KCTD8: variants seen among roughly 807,000 people sequenced by gnomAD.
KCTD8 encodes the protein BTB/POZ domain-containing protein KCTD8.
KCTD8 carries 27 observed loss-of-function variants against 31.5 expected under a neutral mutation model. That is an observed-to-expected ratio of 0.86 (90% CI 0.63 to 1.18). The LOEUF (loss-of-function observed/expected upper bound fraction) is 1.18. Ranked by LOEUF, KCTD8 falls within the 50% of genes most tolerant of loss-of-function variation. The pLI, the probability that KCTD8 is intolerant of heterozygous loss-of-function variation, is 0.00. For synonymous variants in KCTD8, 290 were observed against 280.0 expected (o/e 1.04, Z -0.36); for missense variants, 658 against 647.7 (o/e 1.02, Z -0.17).
chr4:44,185,977 T>C lies in KCTD8; in HGVS notation c.962-10727A>G, dbSNP rs554614615. Among the ~76,000 whole-genome samples, 11 of 151,920 alleles carry C rather than the reference T, an allele frequency of 7.2e-5. No homozygotes were observed. In the South Asian group the frequency reaches 2.3e-3, roughly 32 times the overall value. Reference sequence around the variant, plus strand: ...GAAAAGGGCGGGGTCCCTGGCGAGGTCTCCACCTTCGGGCCTGTGCCCACA... The same window carrying C: ...GAAAAGGGCGGGGTCCCTGGCGAGGCCTCCACCTTCGGGCCTGTGCCCACA... On this transcript the variant is annotated intron_variant, in intron 1 of 1. Coordinates refer to ENST00000360029, the MANE Select transcript of KCTD8 (RefSeq NM_198353.3).
intron 1 of KCTD8, among the ~76,000 whole-genome samples, chr4:44,183,509 C>T (rs1353395125): frequency 6.6e-6 from 1 of 151,974 alleles, no homozygotes; most frequent in East Asian, 1.9e-4. Flanking sequence ...CAAAACAGGG[C>T]TTTTGATCAA....
At chr4:44,413,732 C>T (rs1040239499) in intron 1 of KCTD8, among the ~76,000 whole-genome samples, 1 of 151,780 alleles carries the variant, frequency 6.6e-6, no homozygotes, top group African/African-American at 2.4e-5. Flanking sequence ...AAGATGTTCA[C>T]CCCCAATTCC....
At chr4:44,208,639 T>G (rs1714388833) in intron 1 of KCTD8, among the ~76,000 whole-genome samples, 1 of 152,296 alleles carries the variant, frequency 6.6e-6, no homozygotes. Context: ...GGAGTTGGAA[T>G]AATTGGGCTA....
intron 1 of KCTD8, among the ~76,000 whole-genome samples, chr4:44,356,431 A>T (rs946696800): frequency 2.0e-5 from 3 of 152,178 alleles, no homozygotes; most frequent in Non-Finnish European, 4.4e-5. Flanking sequence ...CTGTTAGGTT[A>T]TTCTTAGATC....
intron 1 of KCTD8, among the ~76,000 whole-genome samples, chr4:44,189,313 A>G (rs1713689014): frequency 6.6e-6 from 1 of 152,210 alleles, no homozygotes; most frequent in South Asian, 2.1e-4. Flanking sequence ...CTTCTGGAGC[A>G]ACATAGAATG....
chr4:44,208,215 T>A (rs1714374623), intron 1 of KCTD8, among the ~76,000 whole-genome samples: 1 of 152,216 alleles, frequency 6.6e-6, no homozygotes, highest in African/African-American at 2.4e-5. Flanking sequence ...TGTAATACAG[T>A]AATTGCAATG....
At chr4:44,430,181 T>C (rs963355250) in intron 1 of KCTD8, among the ~76,000 whole-genome samples, 2 of 151,734 alleles carry the variant, frequency 1.3e-5, no homozygotes, top group Non-Finnish European at 3.0e-5. Flanking sequence ...AACTGCTCTC[T>C]TGGGTGACTT....
intron 1 of KCTD8, among the ~76,000 whole-genome samples, chr4:44,210,807 T>C (rs1292800473): frequency 1.3e-5 from 2 of 152,192 alleles, no homozygotes; most frequent in African/African-American, 4.8e-5. Flanking sequence ...GCAGTTCTAT[T>C]ACTGGGAGAG....
Position 44,448,673 on chromosome 4 carries a change from G to A in KCTD8, c.-150C>T. 1 of 836,650 alleles carries A rather than the reference G, an allele frequency of 1.2e-6. No individual in the cohort carries two copies. Among genetic ancestry groups the A allele is most frequent in the Non-Finnish European group, 1.6e-6 (1 of 626,086 alleles). 51.8% of individuals were successfully genotyped at this position (836,650 alleles called of 1,614,324 possible). On this transcript the variant is annotated 5_prime_UTR_variant, in exon 1 of 2. Coordinates refer to ENST00000360029, the MANE Select transcript of KCTD8 (RefSeq NM_198353.3). This position sits in a 1 kb window ranked among gnomAD's most constrained non-coding sequence, Gnocchi z 4.1. Reference sequence around the variant, plus strand: ...ACCGGGGCGGCCCCGCTCAGGGTTCGGGGCAGCGGCGGCGTCGGCGGCGCC... The same window carrying A: ...ACCGGGGCGGCCCCGCTCAGGGTTCAGGGCAGCGGCGGCGTCGGCGGCGCC...
chr4:44,345,770 TC>T (rs1661150911), intron 1 of KCTD8, among the ~76,000 whole-genome samples: 1 of 152,138 alleles, frequency 6.6e-6, no homozygotes, highest in South Asian at 2.1e-4. Context: ...TCTTATCCTC[TC>T]AACTAGACTC....
intron 1 of KCTD8, among the ~76,000 whole-genome samples, chr4:44,208,113 G>C (rs1356223921): frequency 3.9e-5 from 6 of 152,150 alleles, no homozygotes; most frequent in African/African-American, 1.4e-4. Context: ...GGGTACAAAA[G>C]GTGACCACAG....
intron 1 of KCTD8, among the ~76,000 whole-genome samples, chr4:44,377,180 A>G (rs1719936759): frequency 6.6e-6 from 1 of 152,200 alleles, no homozygotes; most frequent in Non-Finnish European, 1.5e-5. Flanking sequence ...TTGAGGCTTC[A>G]TGGCAGTGCT....
chr4:44,372,314 G>A (rs1719808418), intron 1 of KCTD8, among the ~76,000 whole-genome samples: 1 of 152,170 alleles, frequency 6.6e-6, no homozygotes, highest in Admixed American at 6.5e-5. Context: ...TTACACTCGA[G>A]GGGCTTACAT....
chr4:44,283,424 T>C (rs878859703), intron 1 of KCTD8, among the ~76,000 whole-genome samples: 1 of 152,080 alleles, frequency 6.6e-6, no homozygotes, highest in Admixed American at 6.6e-5. Flanking sequence ...GTGAAGTCAA[T>C]GACTGGCTTC....
In KCTD8 at chr4:44,448,726, A is replaced by C. The variant is rs1009827376; in HGVS notation, c.-203T>G. Reference sequence around the variant, plus strand: ...AGCTCCATCGGAGGAGAGACGCGCGAGAGAGGAGCTCCGCCGGTGCGGCGG... The same window carrying C: ...AGCTCCATCGGAGGAGAGACGCGCGCGAGAGGAGCTCCGCCGGTGCGGCGG... On this transcript the variant is annotated 5_prime_UTR_variant, in exon 1 of 2. Transcript: ENST00000360029. The surrounding 1 kb of genome is among the most constrained non-coding windows in gnomAD (Gnocchi z 4.1). 2 of 409,742 alleles carry C rather than the reference A, an allele frequency of 4.9e-6. No homozygotes were observed. The allele number at this position is 409,742 out of a possible 1,614,324, so 25.4% of individuals were successfully genotyped here.
chr4:44,435,368 T>C (rs1202087042), intron 1 of KCTD8, among the ~76,000 whole-genome samples: 2 of 152,092 alleles, frequency 1.3e-5, no homozygotes, highest in Non-Finnish European at 2.9e-5. Flanking sequence ...AGAATCCTCA[T>C]GCTCTTTATC....
intron 1 of KCTD8, among the ~76,000 whole-genome samples, chr4:44,362,873 A>C (rs1341062368): frequency 6.6e-6 from 1 of 152,008 alleles, no homozygotes; most frequent in Non-Finnish European, 1.5e-5. Context: ...CTCAGTGATT[A>C]GAAATATAAT....
chr4:44,219,076 C>T (rs1484298342), intron 1 of KCTD8, among the ~76,000 whole-genome samples: 2 of 152,182 alleles, frequency 1.3e-5, no homozygotes, highest in Admixed American at 6.5e-5. Flanking sequence ...GAAAAGTATT[C>T]TGAAGGAACC....
In KCTD8 at chr4:44,447,671, C is replaced by G. The variant is rs1242001845; in HGVS notation, c.853G>C (p.Glu285Gln). 1.9e-6 allele frequency: 3 copies of G among 1,612,206 alleles called. No individual in the cohort carries two copies. Among genetic ancestry groups the G allele is most frequent in the African/African-American group, 2.7e-5 (2 of 75,028 alleles). Residue 285 changes from glutamate to glutamine, a missense_variant, in exon 1 of 2, where the codon GAG (glutamate) becomes CAG (glutamine). Transcript: ENST00000360029. ...CACGCCACCATGTGGAAGCCGGCCT[C>G]GGACAGGCGATCAAAGGCCTGCTCC... ...YLEQAFDRLSEAGFHMVACNS... is the reference protein window; with the variant it reads ...YLEQAFDRLSQAGFHMVACNS...
Sources: gnomAD v4.1 joint callset for allele counts (sites outside exome capture counted in the v4.1 genomes callset) on GRCh38, gnomAD v4.1.1 for gene constraint, Gnocchi (gnomAD v3.1) non-coding constraint, MANE v1.5 for transcripts, NCBI Gene and HGNC (gene_info 2026-07-23, HGNC 2026-07-21) for gene names.